The following MYH16 variants were observed in gnomAD, a reference collection of about 807,000 sequenced individuals.
The protein encoded by MYH16 is putative uncharacterized protein MYH16.
At chr7:99,255,935 G>A (rs1265458530) in intron 9 of MYH16, among the ~76,000 whole-genome samples, 3 of 152,134 alleles carry the variant, frequency 2.0e-5, no homozygotes, top group Non-Finnish European at 4.4e-5. Context: ...TCAACCCCAT[G>A]CAACTTTTCC....
At chr7:99,296,791 G>A (rs763609230) in exon 34 of MYH16, 1 of 456,798 alleles carries the variant, frequency 2.2e-6, no homozygotes, top group South Asian at 1.5e-5. Context: ...GGAGTTGCAG[G>A]TGGAAGTGGA....
intron 41 of MYH16, among the ~76,000 whole-genome samples, chr7:99,306,398 G>A (rs1792680972): frequency 6.6e-6 from 1 of 152,014 alleles, no homozygotes; most frequent in African/African-American, 2.4e-5. Context: ...CGTGGTGGCG[G>A]GCACCTTAAT....
At chr7:99,253,788 C>G (rs1434781640) in exon 8 of MYH16, 1 of 204,738 alleles carries the variant, frequency 4.9e-6, no homozygotes, top group Non-Finnish European at 1.1e-5. Context: ...ACCACATCTT[C>G]TACCAGATTC....
rs191391197 is a variant in MYH16 at position 99,272,696 on chromosome 7, A to G, written n.2404-646A>G. On this transcript the variant is annotated intron_variant and non_coding_transcript_variant, in intron 19 of 41. Transcript: ENST00000439784. Reference sequence around the variant, plus strand: ...AGGGAGTACAAAGTTCCAGTGAGCCATAATTGCACCATTGCACTCTAGCCT... The same window carrying G: ...AGGGAGTACAAAGTTCCAGTGAGCCGTAATTGCACCATTGCACTCTAGCCT... Among the ~76,000 whole-genome samples, 470 of 152,166 alleles carry G rather than the reference A, an allele frequency of 3.1e-3. 4 individuals carry two copies. Among genetic ancestry groups the G allele is most frequent in the African/African-American group, 0.011 (450 of 41,510 alleles).
chr7:99,250,635 A>G (rs1246828607), intron 5 of MYH16, among the ~76,000 whole-genome samples: 1 of 152,062 alleles, frequency 6.6e-6, no homozygotes, highest in African/African-American at 2.4e-5. Context: ...CCAGCTACTC[A>G]GGGGGCTGAA....
intron 18 of MYH16, among the ~76,000 whole-genome samples, chr7:99,268,341 T>G (rs552852734): frequency 1.3e-5 from 2 of 152,096 alleles, no homozygotes; most frequent in African/African-American, 2.4e-5. Flanking sequence ...GATGGGAAAC[T>G]TAAGAAAGCC....
At chr7:99,287,331 G>A (rs1336445879) in intron 28 of MYH16, among the ~76,000 whole-genome samples, 3 of 151,974 alleles carry the variant, frequency 2.0e-5, no homozygotes, top group Admixed American at 6.6e-5. Context: ...TTAGGAGTTC[G>A]AGATCAGCCT....
chr7:99,272,767 C>T (rs898376366), intron 19 of MYH16, among the ~76,000 whole-genome samples, 72 bp from the exon 1 acceptor site: 7 of 152,010 alleles, frequency 4.6e-5, no homozygotes, highest in Non-Finnish European at 1.0e-4. Flanking sequence ...AAGGTAGGTC[C>T]ATCCCAGATG....
exon 33 of MYH16, chr7:99,294,080 C>G: frequency 2.2e-6 from 1 of 456,086 alleles, no homozygotes; most frequent in Non-Finnish European, 4.4e-6. Context: ...CAGGCCCGGG[C>G]CGCCTCCCTC....
chr7:99,282,738 G>GCCTCA, intron 23 of MYH16, among the ~76,000 whole-genome samples: 1 of 152,042 alleles, frequency 6.6e-6, no homozygotes, highest in African/African-American at 2.4e-5. Context: ...GCTGAGGCGA[G>GCCTCA]AGGGTTGCTT....
intron 18 of MYH16, among the ~76,000 whole-genome samples, chr7:99,270,314 G>GAA (rs200597541): frequency 7.0e-6 from 1 of 143,524 alleles, no homozygotes; most frequent in Non-Finnish European, 1.5e-5. Context: ...CCTCATCTCA[G>GAA]AAAAAAAAAT....
At chr7:99,245,319 G>T (rs1394871520) in intron 2 of MYH16, among the ~76,000 whole-genome samples, 1 of 152,220 alleles carries the variant, frequency 6.6e-6, no homozygotes, top group Non-Finnish European at 1.5e-5. Context: ...AGGGACAGGG[G>T]TGGATAGGGA....
At position 99,284,033 on chromosome 7, in the gene MYH16, C is replaced by T. The variant is rs372860854; in HGVS notation, n.3225+15C>T. Reference sequence around the variant, plus strand: ...GTGGTGAAAAAGTATGTCTTGTCGTCGTTCGTTTTGTCCATCACAATGGTA... The same window carrying T: ...GTGGTGAAAAAGTATGTCTTGTCGTTGTTCGTTTTGTCCATCACAATGGTA... On this transcript the variant is annotated intron_variant and non_coding_transcript_variant, in intron 25 of 41. Transcript: ENST00000439784. 21 of 439,856 alleles carry T rather than the reference C, an allele frequency of 4.8e-5. No individual in the cohort carries two copies. The highest frequency in any genetic ancestry group is 4.2e-4 in the Admixed American group (17 of 40,500). 27.2% of individuals were successfully genotyped at this position (439,856 alleles called of 1,614,324 possible).
At chr7:99,249,099 A>G (rs1791776364) in intron 4 of MYH16, 1 of 152,624 alleles carries the variant, frequency 6.6e-6, no homozygotes, top group African/African-American at 2.4e-5. Context: ...TCTTAGAATT[A>G]ATTGCGGGAC....
intron 19 of MYH16, among the ~76,000 whole-genome samples, chr7:99,272,546 G>A (rs1239936633): frequency 2.0e-5 from 3 of 151,972 alleles, no homozygotes; most frequent in Non-Finnish European, 4.4e-5. Context: ...AGACCAGCCT[G>A]GGCAACAGGA....
chr7:99,294,216 C>T, intron 33 of MYH16, 66 bp downstream of exon 14: 1 of 413,156 alleles, frequency 2.4e-6, no homozygotes, highest in Non-Finnish European at 4.8e-6. Context: ...AGGGCTAGGG[C>T]AAGGCTGTCA....
intron 23 of MYH16, among the ~76,000 whole-genome samples, chr7:99,281,394 C>CA (rs899209999): frequency 1.4e-3 from 208 of 146,284 alleles, no homozygotes; most frequent in Middle Eastern, 3.5e-3. Context: ...CCCATCTCTA[C>CA]AAAAAAAAAA....
chr7:99,308,960 C>T (rs1276349437), downstream of MYH16, among the ~76,000 whole-genome samples: 2 of 152,110 alleles, frequency 1.3e-5, no homozygotes, highest in African/African-American at 2.4e-5. Flanking sequence ...GTGGTGGTGG[C>T]TAAGTGCATG....
chr7:99,266,369 C>T (rs1791987108), intron 17 of MYH16, among the ~76,000 whole-genome samples: 1 of 152,136 alleles, frequency 6.6e-6, no homozygotes, highest in African/African-American at 2.4e-5. Flanking sequence ...AATACCCCCA[C>T]CTTAGAGATG....
Sources: allele counts gnomAD v4.1 joint callset (sites outside exome capture counted in the v4.1 genomes callset), GRCh38; gene constraint gnomAD v4.1.1; transcripts MANE v1.5; gene names NCBI Gene and HGNC (gene_info 2026-07-23, HGNC 2026-07-21).